Variants in IL1RAPL2 observed in about 807,000 individuals in gnomAD.
IL1RAPL2 encodes X-linked interleukin-1 receptor accessory protein-like 2.
IL1RAPL2 carries 3 observed loss-of-function variants against 44.1 expected under a neutral mutation model. That is an observed-to-expected ratio of 0.07 (90% CI 0.03 to 0.18). The LOEUF (loss-of-function observed/expected upper bound fraction) is 0.18, where lower values mean the gene tolerates loss of function less well. Ranked by LOEUF, IL1RAPL2 falls within the 10% of genes least tolerant of loss-of-function variation. The pLI is 1.00. For missense variants in IL1RAPL2, 391 were observed against 496.4 expected, an observed-to-expected ratio of 0.79 and a Z score of 2.02; for synonymous variants, 181 against 178.8, an observed-to-expected ratio of 1.01 and a Z score of -0.10.
intron 6 of IL1RAPL2, among the ~76,000 whole-genome samples, chrX:105,492,285 G>A (rs2036325676): frequency 9.1e-6 from 1 of 110,403 alleles, no homozygotes; most frequent in Non-Finnish European, 1.9e-5. Flanking sequence ...TGACAAAGAT[G>A]GGATTTCAAC....
chrX:105,104,785 G>GA (rs920385153), intron 2 of IL1RAPL2, among the ~76,000 whole-genome samples: 13 of 111,959 alleles, frequency 1.2e-4, no homozygotes, highest in African/African-American at 3.9e-4. Context: ...AATATGTAGG[G>GA]AAAAAATACA....
chrX:104,568,469 C>T (rs1400189414), intron 1 of IL1RAPL2, among the ~76,000 whole-genome samples: 1 of 111,758 alleles, frequency 8.9e-6, no homozygotes, highest in African/African-American at 3.3e-5. Context: ...CCGCAGCAGC[C>T]GACCCAAGGT....
intron 6 of IL1RAPL2, among the ~76,000 whole-genome samples, chrX:105,543,860 C>G (rs777724850): frequency 2.1e-4 from 24 of 111,751 alleles, no homozygotes; most frequent in Non-Finnish European, 4.0e-4. Flanking sequence ...TGTGAGTCCT[C>G]CAAAAGTATT....
intron 6 of IL1RAPL2, among the ~76,000 whole-genome samples, chrX:105,610,369 G>A (rs1030766727): frequency 2.7e-5 from 3 of 111,495 alleles, no homozygotes; most frequent in African/African-American, 9.8e-5. Flanking sequence ...CATTTTAAGT[G>A]TACAGATTGA....
intron 2 of IL1RAPL2, among the ~76,000 whole-genome samples, chrX:105,158,450 T>C: frequency 8.9e-6 from 1 of 112,543 alleles, no homozygotes; most frequent in Non-Finnish European, 1.9e-5. Flanking sequence ...TACCTTTCCC[T>C]CATCTACTCC....
At chrX:105,199,433 G>T (rs1333650721) in intron 3 of IL1RAPL2, among the ~76,000 whole-genome samples, 7 of 109,565 alleles carry the variant, frequency 6.4e-5, no homozygotes, top group Non-Finnish European at 9.5e-5. Context: ...TTTTTTAATG[G>T]ATAATTGCAT....
intron 1 of IL1RAPL2, among the ~76,000 whole-genome samples, chrX:104,633,698 C>A (rs950154143): frequency 1.3e-4 from 15 of 111,416 alleles, no homozygotes; most frequent in African/African-American, 4.6e-4. Context: ...TCCCCTTTAT[C>A]ATTTTTTATT....
intron 2 of IL1RAPL2, among the ~76,000 whole-genome samples, chrX:104,883,875 C>T (rs1309503493): frequency 1.8e-5 from 2 of 111,839 alleles, no homozygotes; most frequent in East Asian, 2.8e-4. Flanking sequence ...TGTATCCTTC[C>T]TATTCATATA....
intron 2 of IL1RAPL2, among the ~76,000 whole-genome samples, chrX:104,737,484 G>A (rs1932033580): frequency 1.8e-5 from 2 of 112,222 alleles, no homozygotes; most frequent in Non-Finnish European, 3.8e-5. Context: ...TTTAAATAAT[G>A]AAGAATCATT....
At chrX:104,610,744 C>G (rs1929137154) in intron 1 of IL1RAPL2, among the ~76,000 whole-genome samples, 1 of 111,837 alleles carries the variant, frequency 8.9e-6, no homozygotes, top group Admixed American at 9.5e-5. Flanking sequence ...CATCAAGCTA[C>G]CAATGACTTT....
chrX:105,178,076 G>A (rs959977701), intron 2 of IL1RAPL2, among the ~76,000 whole-genome samples: 3 of 111,378 alleles, frequency 2.7e-5, no homozygotes, highest in Admixed American at 9.5e-5. Context: ...ATTAGATCTT[G>A]TTTCTTCTAT....
At chrX:104,619,593 T>C (rs915815923) in intron 1 of IL1RAPL2, among the ~76,000 whole-genome samples, 2 of 112,174 alleles carry the variant, frequency 1.8e-5, no homozygotes, top group Non-Finnish European at 3.8e-5. Flanking sequence ...ACAGAGTTTA[T>C]ATTTATGCAC....
chrX:104,817,801 T>C (rs923855214), intron 2 of IL1RAPL2, among the ~76,000 whole-genome samples: 1 of 111,733 alleles, frequency 8.9e-6, no homozygotes, highest in African/African-American at 3.3e-5. Flanking sequence ...ATTTAATTGA[T>C]GTTTAAGAAA....
At chrX:104,828,477 T>G (rs1434270253) in intron 2 of IL1RAPL2, among the ~76,000 whole-genome samples, 1 of 109,510 alleles carries the variant, frequency 9.1e-6, no homozygotes, top group Non-Finnish European at 1.9e-5. Context: ...CAGCAAAGGT[T>G]GCTGCCTCCT....
chrX:105,271,469 T>C (rs950006870), intron 5 of IL1RAPL2, among the ~76,000 whole-genome samples: 2 of 111,349 alleles, frequency 1.8e-5, no homozygotes, highest in African/African-American at 6.5e-5. Context: ...GGAGGGTTAA[T>C]TGAAGTGAAA....
chrX:105,030,186 C>A (rs9698396), intron 2 of IL1RAPL2, among the ~76,000 whole-genome samples: 1 of 110,961 alleles, frequency 9.0e-6, no homozygotes, highest in Non-Finnish European at 1.9e-5. Context: ...TTTCTCCCAT[C>A]CTGTAAGTTG....
rs748751199 is a variant in IL1RAPL2 at position 104,771,311 on chromosome X, G to A, written c.82+112316G>A. On this transcript the variant is annotated intron_variant, in intron 2 of 10. Transcript: ENST00000372582. The stretch of plus-strand genomic sequence containing the variant: ...GTTGGGCAGAAGCCCAGTAGGGGGT[G>A]GCCCCAGTGTTATTTATTGTTTTAT... 5.3e-5 allele frequency among the ~76,000 whole-genome samples: 6 copies of A among 112,405 alleles called. No homozygotes were observed. In the East Asian group the frequency reaches 1.7e-3, roughly 32 times the overall value.
At chrX:105,465,802 G>T (rs1032904072) in intron 5 of IL1RAPL2, among the ~76,000 whole-genome samples, 3 of 111,313 alleles carry the variant, frequency 2.7e-5, no homozygotes, top group Non-Finnish European at 5.7e-5. Flanking sequence ...CTGTGCAAGG[G>T]GCTTTCTCTC....
intron 2 of IL1RAPL2, among the ~76,000 whole-genome samples, chrX:105,182,517 CT>C (rs1165175879): frequency 9.0e-6 from 1 of 111,381 alleles, no homozygotes; most frequent in African/African-American, 3.3e-5. Flanking sequence ...TTGTCTATGT[CT>C]TTATATGTGA....
Sources: gnomAD v4.1 joint callset for allele counts (sites outside exome capture counted in the v4.1 genomes callset) on GRCh38, gnomAD v4.1.1 for gene constraint, MANE v1.5 for transcripts, NCBI Gene and HGNC (gene_info 2026-07-23, HGNC 2026-07-21) for gene names.